Variants in CSMD2 observed in about 807,000 individuals in gnomAD.
The protein encoded by CSMD2 is CUB and sushi domain-containing protein 2.
A neutral mutation model predicts 398.5 loss-of-function variants in CSMD2; 130 were observed. The observed-to-expected ratio is 0.33, with a 90% confidence interval of 0.28 to 0.38. CSMD2 has a LOEUF of 0.38. Among genes scored for constraint, CSMD2 ranks in the 10% least tolerant of loss-of-function variants. The probability of loss-of-function intolerance (pLI) is 1.00; values close to 1 mark genes in which losing one functional copy is unlikely to be tolerated. For synonymous variants in CSMD2, 1,828 were observed against 1,908.5 expected (o/e 0.96, Z 1.10); for missense variants, 3,829 against 4,764.9 (o/e 0.80, Z 5.78).
At chr1:33,565,765 T>C (rs1658998950) in intron 53 of CSMD2, among the ~76,000 whole-genome samples, 1 of 152,086 alleles carries the variant, frequency 6.6e-6, no homozygotes, top group Non-Finnish European at 1.5e-5. Context: ...CAAATAAGCA[T>C]CTGGAGATAT....
chr1:33,681,952 C>T (rs1039386999), intron 25 of CSMD2, among the ~76,000 whole-genome samples: 1 of 152,102 alleles, frequency 6.6e-6, no homozygotes, highest in Non-Finnish European at 1.5e-5. Context: ...GGCAACAGAG[C>T]GAGACTCCAA....
At chr1:34,127,388 G>A (rs1662856400) in intron 1 of CSMD2, among the ~76,000 whole-genome samples, 2 of 152,152 alleles carry the variant, frequency 1.3e-5, no homozygotes, top group South Asian at 4.1e-4. Flanking sequence ...AAAATGGGAG[G>A]GTAGAGGGGA....
At chr1:34,133,321 T>C (rs1245725785) in intron 1 of CSMD2, among the ~76,000 whole-genome samples, 1 of 152,150 alleles carries the variant, frequency 6.6e-6, no homozygotes, top group Non-Finnish European at 1.5e-5. Context: ...TGCAAAATAA[T>C]GATGGTTCCA....
At chr1:34,067,637 A>G (rs1216581372) in intron 2 of CSMD2, among the ~76,000 whole-genome samples, 3 of 152,218 alleles carry the variant, frequency 2.0e-5, no homozygotes, top group African/African-American at 4.8e-5. Context: ...GCACATTCAC[A>G]AATTCCCAGC....
At chr1:34,093,142 G>T (rs2148382932) in intron 1 of CSMD2, among the ~76,000 whole-genome samples, 1 of 152,092 alleles carries the variant, frequency 6.6e-6, no homozygotes, top group South Asian at 2.1e-4. Flanking sequence ...CCCCCAGCAG[G>T]GGCACACTGA....
chr1:33,863,111 A>C (rs1639670665), intron 5 of CSMD2: 1 of 152,142 alleles, frequency 6.6e-6, no homozygotes, highest in Admixed American at 6.5e-5. Flanking sequence ...TTTTTATGTT[A>C]ATGAAACTCA....
intron 37 of CSMD2, among the ~76,000 whole-genome samples, chr1:33,621,348 C>T (rs903459964): frequency 1.3e-5 from 2 of 152,174 alleles, no homozygotes; most frequent in African/African-American, 4.8e-5. Flanking sequence ...ACCATTCTCT[C>T]CCTTGAACCA....
At position 33,537,143 on chromosome 1, in the gene CSMD2, C is replaced by T. The variant is rs1442441022; in HGVS notation, c.9806-48G>A. On this transcript the variant is annotated intron_variant, in intron 61 of 70. Transcript: ENST00000373381. This position sits in a 1 kb window ranked among gnomAD's most constrained non-coding sequence, Gnocchi z 4.6. ...CAGATCACATGGTCATGGAAGCCTT[C>T]ACGGCCTCATCTCACTCTGGGAAAT... 1.3e-6 allele frequency: 2 copies of T among 1,594,520 alleles called. No homozygotes were observed. The highest frequency in any genetic ancestry group is 1.7e-6 in the Non-Finnish European group (2 of 1,162,412).
chr1:33,582,697 T>C (rs924120322), intron 47 of CSMD2, among the ~76,000 whole-genome samples: 2 of 152,198 alleles, frequency 1.3e-5, no homozygotes, highest in African/African-American at 4.8e-5. Flanking sequence ...AGCACTATCA[T>C]AGCTACTCTG....
intron 4 of CSMD2, among the ~76,000 whole-genome samples, chr1:33,929,695 G>A (rs528289221): frequency 1.1e-4 from 17 of 151,996 alleles, no homozygotes; most frequent in African/African-American, 2.2e-4. Context: ...TTCAGCCTCC[G>A]CTTTCTTACC....
At chr1:34,157,690 C>G (rs1203362764) in intron 1 of CSMD2, among the ~76,000 whole-genome samples, 6 of 151,286 alleles carry the variant, frequency 4.0e-5, no homozygotes, top group Non-Finnish European at 8.8e-5. Flanking sequence ...ACATCTCACT[C>G]AATCCTATCC....
chr1:34,081,279 T>C (rs891918283), intron 2 of CSMD2, among the ~76,000 whole-genome samples: 2 of 152,154 alleles, frequency 1.3e-5, no homozygotes, highest in Non-Finnish European at 2.9e-5. Flanking sequence ...CATTCCAGTA[T>C]CAAGGACAGC....
chr1:33,774,358 G>T (rs1001436606), intron 12 of CSMD2, among the ~76,000 whole-genome samples: 1 of 152,162 alleles, frequency 6.6e-6, no homozygotes, highest in Admixed American at 6.5e-5. Flanking sequence ...GCTCAGGGAT[G>T]GGGGAGGGGA....
intron 3 of CSMD2, among the ~76,000 whole-genome samples, chr1:33,949,544 C>T (rs773480663): frequency 6.6e-6 from 1 of 152,188 alleles, no homozygotes; most frequent in Non-Finnish European, 1.5e-5. Context: ...AAGAGGAGAC[C>T]CTGTGTATCA....
intron 13 of CSMD2, among the ~76,000 whole-genome samples, chr1:33,753,129 G>C (rs2149278215): frequency 6.6e-6 from 1 of 152,374 alleles, no homozygotes; most frequent in Non-Finnish European, 1.5e-5. Flanking sequence ...TAAGCAGTCT[G>C]TAGAGCAACC....
At chr1:33,541,054 GA>G in intron 59 of CSMD2, 75 bp downstream of exon 59, 1 of 1,465,352 alleles carries the variant, frequency 6.8e-7, no homozygotes, top group Non-Finnish European at 9.4e-7. Context: ...CTCCCTTCTA[GA>G]GAGATGCTCA....
In CSMD2 at chr1:33,614,638, GAC is replaced by G. The variant is rs773019240; in HGVS notation, c.6017-20_6017-19del. 10 of 1,446,608 alleles carry G rather than the reference GAC, an allele frequency of 6.9e-6. No individual in the cohort carries two copies. In the East Asian group the frequency reaches 2.3e-4, roughly 33 times the overall value. 89.6% of individuals were successfully genotyped at this position (1,446,608 alleles called of 1,614,324 possible). A position where few individuals can be genotyped will look rare whatever the true frequency, so the allele number is the denominator to read the frequency against. ...ACACTGTGCTGTGACAATGAGATGA[GAC>G]AGAGGGTCAGGACAACATCAAGGGG... On this transcript the variant is annotated intron_variant, in intron 39 of 70. Transcript: ENST00000373381.
At chr1:33,805,262 A>G (rs183261019) in intron 10 of CSMD2, among the ~76,000 whole-genome samples, 1 of 152,344 alleles carries the variant, frequency 6.6e-6, no homozygotes, top group Non-Finnish European at 1.5e-5. Flanking sequence ...TCTAGTCAAC[A>G]ACTTAATATG....
intron 2 of CSMD2, among the ~76,000 whole-genome samples, chr1:34,061,341 G>T (rs1301442587): frequency 1.3e-5 from 2 of 152,194 alleles, no homozygotes; most frequent in Admixed American, 1.3e-4. Flanking sequence ...TCTGATGGCT[G>T]TCCATCCTTG....
Sources: allele counts gnomAD v4.1 joint callset (sites outside exome capture counted in the v4.1 genomes callset), GRCh38; gene constraint gnomAD v4.1.1; non-coding constraint Gnocchi (gnomAD v3.1); transcripts MANE v1.5; gene names NCBI Gene and HGNC (gene_info 2026-07-23, HGNC 2026-07-21).